The following JAK1 variants were observed in gnomAD, a reference collection of about 807,000 sequenced individuals.
JAK1 encodes Janus kinase 1.
JAK1 carries 16 observed loss-of-function variants against 136.6 expected under a neutral mutation model. The ratio of observed to expected loss-of-function variants is 0.12; its 90% CI spans 0.08 to 0.18. JAK1 has a LOEUF of 0.18. JAK1 is among the 10% of genes least tolerant of loss of function. The pLI is 1.00. For missense variants in JAK1, 859 were observed against 1,450.1 expected (o/e 0.59, Z 6.62); for synonymous variants, 492 against 519.5 (o/e 0.95, Z 0.72).
At chr1:64,879,193 A>C in intron 3 of JAK1, 45 bp from the exon 4 acceptor site, 1 of 1,610,484 alleles carries the variant, frequency 6.2e-7, no homozygotes, top group Non-Finnish European at 8.5e-7. Flanking sequence ...AGGCGGATAC[A>C]TTTGGCCATC....
intron 1 of JAK1, among the ~76,000 whole-genome samples, chr1:64,945,585 A>G (rs1339394160): frequency 6.6e-6 from 1 of 152,206 alleles, no homozygotes; most frequent in Non-Finnish European, 1.5e-5. Context: ...CTTATGTACA[A>G]TAAAAAAAAG....
At chr1:64,942,436 T>C (rs1184057252) in intron 1 of JAK1, 1 of 150,072 alleles carries the variant, frequency 6.7e-6, no homozygotes, top group African/African-American at 2.5e-5. Context: ...GAAAATCATT[T>C]TATTTTTGTT....
intron 2 of JAK1, among the ~76,000 whole-genome samples, 181 bp downstream of exon 2, chr1:64,886,078 A>T (rs893865742): frequency 1.2e-4 from 19 of 152,226 alleles, no homozygotes; most frequent in African/African-American, 4.6e-4. Context: ...TGTACCTCCT[A>T]TACTTTTGTA....
chr1:65,002,199 A>G (rs1222948476), intron 2 of JAK1: 1 of 152,228 alleles, frequency 6.6e-6, no homozygotes, highest in African/African-American at 2.4e-5. Flanking sequence ...ATATATGCAC[A>G]TATATGGGTG....
At chr1:64,903,425 C>A (rs1480054658) in intron 1 of JAK1, among the ~76,000 whole-genome samples, 11 of 152,160 alleles carry the variant, frequency 7.2e-5, no homozygotes, top group Non-Finnish European at 1.6e-4. Context: ...ACAGAGGGAG[C>A]AGAGCAGGGA....
At chr1:65,048,826 T>C (rs1048139476) in intron 1 of JAK1, among the ~76,000 whole-genome samples, 2 of 152,344 alleles carry the variant, frequency 1.3e-5, no homozygotes, top group South Asian at 2.1e-4. Flanking sequence ...GCATTTAATA[T>C]GTTTTCTGTT....
At chr1:64,883,675 A>T (rs538159323) in intron 2 of JAK1, among the ~76,000 whole-genome samples, 200 bp from the exon 3 acceptor site, 1 of 152,284 alleles carries the variant, frequency 6.6e-6, no homozygotes, top group Non-Finnish European at 1.5e-5. Context: ...ATAATTATGC[A>T]TACTAATTAA....
At chr1:65,035,484 G>A (rs539816914) in intron 2 of JAK1, among the ~76,000 whole-genome samples, 1 of 152,320 alleles carries the variant, frequency 6.6e-6, no homozygotes, top group South Asian at 2.1e-4. Flanking sequence ...GCTGACTCTA[G>A]AAGTAAACTG....
chr1:64,878,918 C>T, intron 4 of JAK1, 107 bp downstream of exon 4: 2 of 1,095,268 alleles, frequency 1.8e-6, no homozygotes, highest in Non-Finnish European at 2.5e-6. Flanking sequence ...TTACAAATTA[C>T]AAAAATGACT....
intron 5 of JAK1, among the ~76,000 whole-genome samples, chr1:64,870,496 G>A (rs1352542457): frequency 6.6e-6 from 1 of 152,082 alleles, no homozygotes; most frequent in Non-Finnish European, 1.5e-5. Flanking sequence ...GAAGAATTGA[G>A]TACCCTGGGG....
intron 10 of JAK1, among the ~76,000 whole-genome samples, chr1:64,856,440 G>T (rs1260231010): frequency 6.6e-6 from 1 of 152,100 alleles, no homozygotes; most frequent in East Asian, 1.9e-4. Context: ...AGCACAAGTA[G>T]GTACAACGCT....
intron 2 of JAK1, among the ~76,000 whole-genome samples, chr1:64,998,005 T>C (rs1479791176): frequency 1.3e-5 from 2 of 152,052 alleles, no homozygotes; most frequent in Non-Finnish European, 2.9e-5. Context: ...AGATCTGAAA[T>C]AGAACTTCTA....
rs554101247 is a variant in JAK1, at chr1:64,966,105, C to A, written c.-78+228G>T. On this transcript the variant is annotated intron_variant, in intron 1 of 24. Coordinates refer to ENST00000342505, the MANE Select transcript of JAK1 (RefSeq NM_002227.4). ...TAACCGCTCTTCTCCCGGCCGGGGG[C>A]CCCCGCCCGGCGACCTCCTCGCCGC... Among the ~76,000 whole-genome samples the A allele has an allele frequency of 3.1e-3, 474 of 151,942 alleles. 1 individual carries two copies. Among genetic ancestry groups the A allele is most frequent in the African/African-American group, 0.011 (453 of 41,508 alleles).
intron 2 of JAK1, among the ~76,000 whole-genome samples, chr1:65,034,546 TAGAA>T (rs1195946212): frequency 1.3e-5 from 2 of 152,194 alleles, no homozygotes; most frequent in African/African-American, 4.8e-5. Flanking sequence ...ATCTAGTTGT[TAGAA>T]AGGTACTACA....
rs1654262510 is a variant in JAK1 at position 64,833,493 on chromosome 1, T to C, written c.*1069A>G. The C allele has an allele frequency of 2.6e-5, 6 of 232,794 alleles. No individual in the cohort carries two copies. The East Asian group carries it at 3.6e-4, about 14-fold the overall frequency. The allele number at this position is 232,794 out of a possible 1,614,324, so 14.4% of individuals were successfully genotyped here. A position where few individuals can be genotyped will look rare whatever the true frequency, so the allele number is the denominator to read the frequency against. On this transcript the variant is annotated 3_prime_UTR_variant, in exon 25 of 25. Transcript: ENST00000342505. ...TTCACATTGAATCAATGACTAAACA[T>C]TTTTGATTACCCAGCTACCTCCAAG... is the stretch of plus-strand genomic sequence containing the variant.
At chr1:64,970,102 T>G (rs1646436626), upstream of JAK1, among the ~76,000 whole-genome samples, 1 of 119,226 alleles carries the variant, frequency 8.4e-6, no homozygotes, top group African/African-American at 3.3e-5. Context: ...GCCACTGCAC[T>G]GAAGCCTGGG....
At chr1:64,976,218 T>G (rs1211438257) in intron 2 of JAK1, among the ~76,000 whole-genome samples, 3 of 152,190 alleles carry the variant, frequency 2.0e-5, no homozygotes, top group Non-Finnish European at 4.4e-5. Context: ...GAGGGTTGCC[T>G]CCTATCGCTG....
chr1:64,842,743 G>A (rs1378376762), intron 17 of JAK1, among the ~76,000 whole-genome samples: 2 of 152,122 alleles, frequency 1.3e-5, no homozygotes, highest in African/African-American at 4.8e-5. Flanking sequence ...CATTTCCAAG[G>A]ATCCAAGGAA....
At chr1:64,883,176 A>G in intron 3 of JAK1, 101 bp downstream of exon 3, 2 of 977,790 alleles carry the variant, frequency 2.0e-6, no homozygotes, top group Non-Finnish European at 3.0e-6. Context: ...AGAGTCCACA[A>G]CTCTTTCTGC....
Sources: allele counts gnomAD v4.1 joint callset (sites outside exome capture counted in the v4.1 genomes callset), GRCh38; gene constraint gnomAD v4.1.1; transcripts MANE v1.5; gene names NCBI Gene and HGNC (gene_info 2026-07-23, HGNC 2026-07-21).